The following RALGPS1 variants were observed in gnomAD, a reference collection of about 807,000 sequenced individuals.
The protein encoded by RALGPS1 is ras-specific guanine nucleotide-releasing factor RalGPS1.
In RALGPS1, 19 loss-of-function variants were observed where a neutral mutation model predicts 78.8. The ratio of observed to expected loss-of-function variants is 0.24; its 90% CI spans 0.17 to 0.35. The LOEUF (loss-of-function observed/expected upper bound fraction) is 0.35, where lower values mean the gene tolerates loss of function less well. RALGPS1 is among the 10% of genes least tolerant of loss of function. RALGPS1 has a pLI of 1.00. For missense variants in RALGPS1, 454 were observed against 688.3 expected (o/e 0.66, Z 3.81); for synonymous variants, 228 against 256.3 (o/e 0.89, Z 1.06).
chr9:126,985,682 CTT>C (rs1340409246), intron 4 of RALGPS1, among the ~76,000 whole-genome samples: 2 of 152,284 alleles, frequency 1.3e-5, no homozygotes, highest in East Asian at 3.9e-4. Context: ...TCTTTTACTT[CTT>C]GTCTTCTCTC....
At chr9:127,131,856 G>C in intron 8 of RALGPS1, among the ~76,000 whole-genome samples, 1 of 152,182 alleles carries the variant, frequency 6.6e-6, no homozygotes, top group East Asian at 1.9e-4. Flanking sequence ...GCCCATCCTA[G>C]GTCAGTGGTT....
intron 8 of RALGPS1, among the ~76,000 whole-genome samples, chr9:127,089,765 G>A (rs558031612): frequency 3.3e-5 from 5 of 152,338 alleles, no homozygotes; most frequent in Admixed American, 1.3e-4. Flanking sequence ...TTGCTGCCAA[G>A]GACAAGCAGT....
At position 127,223,039 on chromosome 9, in the gene RALGPS1, A is replaced by T. The variant is rs569427452; in HGVS notation, c.*4270A>T. The T allele has an allele frequency of 6.5e-5, 10 of 152,714 alleles. No homozygotes were observed. The East Asian group carries it at 1.2e-3, about 18-fold the overall frequency. 9.5% of individuals were successfully genotyped at this position (152,714 alleles called of 1,614,324 possible). On this transcript the variant is annotated 3_prime_UTR_variant, in exon 19 of 19. Transcript: ENST00000259351. ...TCGATTTTTGGTGAAGTATTTTGTT[A>T]CCTCAGTCTTGTATCAAGTTGCTGT... is the stretch of plus-strand genomic sequence containing the variant.
At chr9:126,965,573 C>T (rs568582176) in intron 2 of RALGPS1, among the ~76,000 whole-genome samples, 1 of 152,276 alleles carries the variant, frequency 6.6e-6, no homozygotes, top group East Asian at 1.9e-4. Flanking sequence ...AGCTGAGATA[C>T]CTTGGAGAAG....
At chr9:127,030,450 T>C (rs1177357639) in intron 4 of RALGPS1, among the ~76,000 whole-genome samples, 1 of 151,706 alleles carries the variant, frequency 6.6e-6, no homozygotes, top group Non-Finnish European at 1.5e-5. Flanking sequence ...ACAAATATGG[T>C]GGAGGCTAAG....
chr9:126,972,258 A>G (rs1002619972), intron 3 of RALGPS1, among the ~76,000 whole-genome samples: 2 of 152,226 alleles, frequency 1.3e-5, no homozygotes, highest in Non-Finnish European at 2.9e-5. Context: ...ATTGAAACTC[A>G]TCAAGCAATG....
At chr9:127,021,145 C>G (rs868623764) in intron 4 of RALGPS1, among the ~76,000 whole-genome samples, 2 of 152,102 alleles carry the variant, frequency 1.3e-5, no homozygotes, top group Non-Finnish European at 2.9e-5. Context: ...TCCAGTTACT[C>G]GGGACGCTTA....
chr9:127,135,135 T>A (rs998127941), intron 8 of RALGPS1, among the ~76,000 whole-genome samples: 5 of 152,210 alleles, frequency 3.3e-5, no homozygotes, highest in Non-Finnish European at 7.3e-5. Flanking sequence ...CTTTCAGTCC[T>A]CTCTCCCTCT....
At chr9:126,956,068 G>C (rs2038303246) in intron 1 of RALGPS1, among the ~76,000 whole-genome samples, 1 of 152,152 alleles carries the variant, frequency 6.6e-6, no homozygotes, top group Non-Finnish European at 1.5e-5. Context: ...TCCCTGCATG[G>C]GGCCACTGTC....
At chr9:126,987,998 G>A (rs188676624) in intron 4 of RALGPS1, among the ~76,000 whole-genome samples, 7 of 152,284 alleles carry the variant, frequency 4.6e-5, no homozygotes, top group East Asian at 1.9e-4. Context: ...CAAGAGCATC[G>A]CAAAAGCAGA....
rs1052212716 is a variant in RALGPS1 at position 127,094,025 on chromosome 9, G to C, written c.610+24669G>C. The C allele has an allele frequency of 2.5e-5, 34 of 1,373,166 alleles. No homozygotes were observed. The Admixed American group carries it at 6.4e-4, about 26-fold the overall frequency. 85.1% of individuals were successfully genotyped at this position (1,373,166 alleles called of 1,614,324 possible). A position where few individuals can be genotyped will look rare whatever the true frequency, so the allele number is the denominator to read the frequency against. On this transcript the variant is annotated intron_variant, in intron 8 of 18. Coordinates refer to ENST00000259351, the MANE Select transcript of RALGPS1 (RefSeq NM_014636.3). Reference sequence around the variant, plus strand: ...AGGCACAACCTCTGTTGAGGCTCCAGCTGGGAGCCACAGGCCCACGGTCTG... The same window carrying C: ...AGGCACAACCTCTGTTGAGGCTCCACCTGGGAGCCACAGGCCCACGGTCTG...
At chr9:127,094,652 T>A (rs1397412926) in intron 8 of RALGPS1, among the ~76,000 whole-genome samples, 1 of 152,266 alleles carries the variant, frequency 6.6e-6, no homozygotes, top group Non-Finnish European at 1.5e-5. Flanking sequence ...CCCTTTCAGC[T>A]GAATCTGTGT....
chr9:126,937,731 C>G (rs558018072), intron 1 of RALGPS1, among the ~76,000 whole-genome samples: 1 of 152,268 alleles, frequency 6.6e-6, no homozygotes, highest in Admixed American at 6.5e-5. Flanking sequence ...TGAGACACTT[C>G]TCAGAAGTTT....
Position 127,210,844 on chromosome 9 carries a change from A to G in RALGPS1, c.1248-1287A>G. On this transcript the variant is annotated intron_variant, in intron 14 of 18. Transcript: ENST00000259351. ...TTGTTATGTGGCCTTTTGGATGCCAAGCACTGTGCTAGAGGCTGCCGAAAG... is the reference window on the plus strand; with the variant it reads ...TTGTTATGTGGCCTTTTGGATGCCAGGCACTGTGCTAGAGGCTGCCGAAAG... 2.9e-6 allele frequency: 4 copies of G among 1,369,616 alleles called. No homozygotes were observed. In the African/African-American group the frequency reaches 4.3e-5, roughly 15 times the overall value. 84.8% of individuals were successfully genotyped at this position (1,369,616 alleles called of 1,614,324 possible).
intron 3 of RALGPS1, among the ~76,000 whole-genome samples, chr9:126,967,237 A>T (rs1195481326): frequency 6.6e-6 from 1 of 152,182 alleles, no homozygotes; most frequent in African/African-American, 2.4e-5. Context: ...TCCTACTAGA[A>T]TGAGACCCAG....
intron 5 of RALGPS1, among the ~76,000 whole-genome samples, chr9:127,046,624 A>G (rs185224073): frequency 3.3e-5 from 5 of 151,658 alleles, no homozygotes; most frequent in Admixed American, 2.0e-4. Context: ...TTATCAATCA[A>G]TAATAAGAGA....
intron 7 of RALGPS1, among the ~76,000 whole-genome samples, chr9:127,055,417 T>C (rs1231475999): frequency 6.6e-6 from 1 of 152,222 alleles, no homozygotes; most frequent in African/African-American, 2.4e-5. Flanking sequence ...GGTGCCTTGC[T>C]ATGTTGCCCA....
chr9:127,006,092 A>G (rs1242375767), intron 4 of RALGPS1, among the ~76,000 whole-genome samples: 1 of 152,242 alleles, frequency 6.6e-6, no homozygotes, highest in Non-Finnish European at 1.5e-5. Flanking sequence ...TGACACATCC[A>G]CAGTCAGCAT....
At chr9:127,020,431 G>T (rs1230555409) in intron 4 of RALGPS1, among the ~76,000 whole-genome samples, 2 of 152,194 alleles carry the variant, frequency 1.3e-5, no homozygotes, top group Admixed American at 6.5e-5. Flanking sequence ...TGAGACACAT[G>T]AATTGCAATG....
Sources: gnomAD v4.1 joint callset for allele counts (sites outside exome capture counted in the v4.1 genomes callset) on GRCh38, gnomAD v4.1.1 for gene constraint, MANE v1.5 for transcripts, NCBI Gene and HGNC (gene_info 2026-07-23, HGNC 2026-07-21) for gene names.